Variants in STAC observed in about 807,000 individuals in gnomAD.
STAC encodes SH3 and cysteine rich domain, also known as SH3 and cysteine-rich domain-containing protein.
A neutral mutation model predicts 48.8 loss-of-function variants in STAC; 43 were observed. The ratio of observed to expected loss-of-function variants is 0.88; its 90% CI spans 0.69 to 1.14. The LOEUF is 1.14. Ranked by LOEUF, STAC falls within the 50% of genes most tolerant of loss-of-function variation. STAC has a pLI of 0.00. For synonymous variants in STAC, 193 were observed against 179.5 expected (o/e 1.07, Z -0.60); for missense variants, 497 against 504.0 (o/e 0.99, Z 0.13).
chr3:36,415,128 G>C (rs1700289516), intron 1 of STAC, among the ~76,000 whole-genome samples: 1 of 152,200 alleles, frequency 6.6e-6, no homozygotes, highest in African/African-American at 2.4e-5. Context: ...GGACCCACTT[G>C]AGGAGGCAGT....
At chr3:36,466,819 T>C (rs1290898977) in intron 2 of STAC, among the ~76,000 whole-genome samples, 3 of 152,210 alleles carry the variant, frequency 2.0e-5, no homozygotes, top group African/African-American at 7.2e-5. Flanking sequence ...TCCTTTTTAC[T>C]GATTTGGATG....
chr3:36,380,679 G>A lies in STAC; in HGVS notation c.36G>A (p.Val12=), dbSNP rs769304771. The change falls in exon 1 of 11, where the codon GTG becomes GTA. Residue 12 remains valine (V), a synonymous_variant. Transcript: ENST00000273183. The part of the protein sequence containing the change: ...IPPSSPREDG[V]DGLPKEAVGA... Reference sequence around the variant, plus strand: ...CGAGCAGCCCCCGCGAGGACGGCGTGGACGGGCTGCCCAAGGAGGCGGTGG... The same window carrying A: ...CGAGCAGCCCCCGCGAGGACGGCGTAGACGGGCTGCCCAAGGAGGCGGTGG... 2.5e-6 allele frequency: 4 copies of A among 1,608,074 alleles called. No individual in the cohort carries two copies. The highest frequency in any genetic ancestry group is 3.4e-6 in the Non-Finnish European group (4 of 1,177,808).
chr3:36,381,474 G>C (rs1699508657), intron 1 of STAC, among the ~76,000 whole-genome samples: 1 of 152,262 alleles, frequency 6.6e-6, no homozygotes, highest in African/African-American at 2.4e-5. Context: ...GCTGCTAGCA[G>C]TGCAATGCCA....
At chr3:36,488,979 C>G (rs1233208520) in intron 5 of STAC, among the ~76,000 whole-genome samples, 2 of 152,112 alleles carry the variant, frequency 1.3e-5, no homozygotes, top group African/African-American at 4.8e-5. Flanking sequence ...CTCCCCAAGC[C>G]CTATAACATA....
At chr3:36,426,497 A>T (rs1024003173) in intron 1 of STAC, among the ~76,000 whole-genome samples, 10 of 152,242 alleles carry the variant, frequency 6.6e-5, no homozygotes, top group African/African-American at 1.2e-4. Flanking sequence ...TGAAAATTAA[A>T]AGTCAAGGAT....
chr3:36,474,997 G>A (rs1019860257), intron 2 of STAC, among the ~76,000 whole-genome samples: 1 of 150,900 alleles, frequency 6.6e-6, no homozygotes, highest in Non-Finnish European at 1.5e-5. Context: ...GGCTTTTCTC[G>A]TGTGTGTGTG....
intron 10 of STAC, among the ~76,000 whole-genome samples, chr3:36,540,348 C>G (rs1699294622): frequency 6.6e-6 from 1 of 152,052 alleles, no homozygotes; most frequent in Admixed American, 6.6e-5. Flanking sequence ...CAACAGGAAA[C>G]TAATCCAGAG....
intron 5 of STAC, among the ~76,000 whole-genome samples, chr3:36,491,083 T>C (rs1003262302): frequency 2.0e-5 from 3 of 152,324 alleles, no homozygotes; most frequent in East Asian, 1.9e-4. Flanking sequence ...AATAGAAACA[T>C]TGATTGGTAT....
At chr3:36,530,359 G>A (rs1196309399) in intron 10 of STAC, among the ~76,000 whole-genome samples, 1 of 152,120 alleles carries the variant, frequency 6.6e-6, no homozygotes, top group Non-Finnish European at 1.5e-5. Flanking sequence ...CAACAGAGTT[G>A]CCGAAAACAC....
At chr3:36,442,901 T>C (rs1471912007) in intron 1 of STAC, among the ~76,000 whole-genome samples, 1 of 152,044 alleles carries the variant, frequency 6.6e-6, no homozygotes, top group Non-Finnish European at 1.5e-5. Flanking sequence ...AGCCAGACAA[T>C]AGACTCTTCT....
At chr3:36,392,803 C>G (rs1384245965) in intron 1 of STAC, among the ~76,000 whole-genome samples, 2 of 152,174 alleles carry the variant, frequency 1.3e-5, no homozygotes, top group African/African-American at 4.8e-5. Context: ...CTCTCAGATT[C>G]TTCCATTTCC....
chr3:36,430,543 G>C (rs1327439557), intron 1 of STAC, among the ~76,000 whole-genome samples: 1 of 152,202 alleles, frequency 6.6e-6, no homozygotes, highest in Non-Finnish European at 1.5e-5. Context: ...CTGTGCAACA[G>C]TAGAAATACT....
intron 1 of STAC, among the ~76,000 whole-genome samples, chr3:36,427,850 C>T (rs998983322): frequency 2.0e-5 from 3 of 152,134 alleles, no homozygotes; most frequent in African/African-American, 7.2e-5. Flanking sequence ...CAGAGGGACA[C>T]AGCATCACTT....
Position 36,443,002 on chromosome 3 carries a change from G to A in STAC, c.112-362G>A, listed in dbSNP as rs994469608. 3.3e-5 allele frequency among the ~76,000 whole-genome samples: 5 copies of A among 152,146 alleles called. No homozygotes were observed. Among genetic ancestry groups the A allele is most frequent in the South Asian group, 2.1e-4 (1 of 4,828 alleles). ...ATGTAGCCTTTGAGCCCATGAGTTTGTATACTTAATATTTCCAATGATTCA... is the reference window on the plus strand; with the variant it reads ...ATGTAGCCTTTGAGCCCATGAGTTTATATACTTAATATTTCCAATGATTCA... On this transcript the variant is annotated intron_variant, in intron 1 of 10. Coordinates refer to ENST00000273183, the MANE Select transcript of STAC (RefSeq NM_003149.3). The surrounding 1 kb of genome is among the most constrained non-coding windows in gnomAD (Gnocchi z 4.2).
At chr3:36,412,134 C>T (rs949334832) in intron 1 of STAC, among the ~76,000 whole-genome samples, 14 of 152,164 alleles carry the variant, frequency 9.2e-5, no homozygotes, top group African/African-American at 2.7e-4. Flanking sequence ...CTTAGTTCAA[C>T]TACTCAGCAA....
At chr3:36,505,367 A>G (rs1375736112) in intron 7 of STAC, among the ~76,000 whole-genome samples, 2 of 152,096 alleles carry the variant, frequency 1.3e-5, no homozygotes, top group African/African-American at 4.8e-5. Flanking sequence ...AGTTAATTTT[A>G]GGAAGTGAGA....
chr3:36,416,853 C>T (rs960515776), intron 1 of STAC, among the ~76,000 whole-genome samples: 8 of 152,226 alleles, frequency 5.3e-5, no homozygotes, highest in African/African-American at 1.9e-4. Flanking sequence ...GTCCCTTGCT[C>T]TTATTTGAGG....
chr3:36,450,914 A>T (rs1696658377), intron 2 of STAC, among the ~76,000 whole-genome samples: 1 of 152,178 alleles, frequency 6.6e-6, no homozygotes, highest in African/African-American at 2.4e-5. Flanking sequence ...TTTGTTTGAT[A>T]GGCCTTTATC....
chr3:36,484,716 G>T (rs77697960), intron 3 of STAC, among the ~76,000 whole-genome samples: 1 of 152,316 alleles, frequency 6.6e-6, no homozygotes, highest in South Asian at 2.1e-4. Flanking sequence ...TGCACTGCAG[G>T]AGGAGGACAG....
Sources: allele counts gnomAD v4.1 joint callset (sites outside exome capture counted in the v4.1 genomes callset), GRCh38; gene constraint gnomAD v4.1.1; non-coding constraint Gnocchi (gnomAD v3.1); transcripts MANE v1.5; gene names NCBI Gene and HGNC (gene_info 2026-07-23, HGNC 2026-07-21).